PLB1: variants seen among roughly 807,000 people sequenced by gnomAD.
PLB1 encodes phospholipase B1, membrane-associated.
PLB1 carries 242 observed loss-of-function variants against 227.4 expected under a neutral mutation model. The observed-to-expected ratio is 1.06, with a 90% confidence interval of 0.96 to 1.18. The LOEUF (loss-of-function observed/expected upper bound fraction) is 1.18. Ranked by LOEUF, PLB1 falls within the 50% of genes most tolerant of loss-of-function variation. The probability of loss-of-function intolerance (pLI) is 0.00; values close to 1 mark genes in which losing one functional copy is unlikely to be tolerated. For missense variants in PLB1, 1,858 were observed against 1,816.3 expected, an observed-to-expected ratio of 1.02 and a Z score of -0.42; for synonymous variants, 757 against 682.2, an observed-to-expected ratio of 1.11 and a Z score of -1.71.
intron 1 of PLB1, among the ~76,000 whole-genome samples, chr2:28,515,760 A>G (rs1020594416): frequency 2.6e-5 from 4 of 152,172 alleles, no homozygotes; most frequent in Non-Finnish European, 5.9e-5. Flanking sequence ...TGCGCTTATA[A>G]GGAAGATGTA....
At chr2:28,536,793 C>T (rs1671743811) in intron 9 of PLB1, among the ~76,000 whole-genome samples, 1 of 152,148 alleles carries the variant, frequency 6.6e-6, no homozygotes, top group Non-Finnish European at 1.5e-5. Flanking sequence ...ATGTCTTTTA[C>T]TGAGAAATGG....
At chr2:28,637,342 T>C (rs1212029241) in intron 56 of PLB1, among the ~76,000 whole-genome samples, 7 of 150,664 alleles carry the variant, frequency 4.6e-5, no homozygotes, top group Admixed American at 4.6e-4. Flanking sequence ...ACAATATCAG[T>C]GCCTGACCGG....
Position 28,589,782 on chromosome 2 carries a change from C to T in PLB1, c.2016+12C>T, listed in dbSNP as rs757701083. ...TCTGGAACAATATGGTAAGTGGCTG[C>T]GGTAGGAAAATGCATCCTCCCTCTG... is the stretch of plus-strand genomic sequence containing the variant. On this transcript the variant is annotated intron_variant, in intron 28 of 57. Transcript: ENST00000327757. The T allele has an allele frequency of 3.2e-5, 52 of 1,609,094 alleles. No homozygotes were observed. The highest frequency in any genetic ancestry group is 1.0e-4 in the Admixed American group (6 of 59,994).
intron 44 of PLB1, among the ~76,000 whole-genome samples, chr2:28,616,886 A>G (rs763078842): frequency 6.6e-6 from 1 of 152,226 alleles, no homozygotes; most frequent in African/African-American, 2.4e-5. Flanking sequence ...CTGACTGAAC[A>G]GATGAGATGA....
At chr2:28,550,174 T>G (rs1192427554) in intron 16 of PLB1, 90 bp downstream of exon 16, 4 of 1,033,602 alleles carry the variant, frequency 3.9e-6, no homozygotes, top group African/African-American at 3.3e-5. Flanking sequence ...CACGTGGTTT[T>G]TTTTTTTTTT....
At chr2:28,585,134 G>A (rs766609808) in intron 25 of PLB1, among the ~76,000 whole-genome samples, 2 of 152,126 alleles carry the variant, frequency 1.3e-5, no homozygotes, top group Non-Finnish European at 2.9e-5. Flanking sequence ...AATTATTATT[G>A]TTGTCACTGC....
At chr2:28,551,532 CAG>C (rs1250925210) in intron 16 of PLB1, among the ~76,000 whole-genome samples, 1 of 152,182 alleles carries the variant, frequency 6.6e-6, no homozygotes, top group East Asian at 1.9e-4. Context: ...CTGACAGACA[CAG>C]TGTGAAAGAC....
intron 39 of PLB1, among the ~76,000 whole-genome samples, chr2:28,603,715 C>T (rs1261649673): frequency 6.6e-6 from 1 of 152,200 alleles, no homozygotes; most frequent in Non-Finnish European, 1.5e-5. Context: ...ACCTGCAGTC[C>T]AACACTTGTG....
chr2:28,537,422 T>C (rs915712311), intron 9 of PLB1, among the ~76,000 whole-genome samples: 52 of 152,258 alleles, frequency 3.4e-4, no homozygotes, highest in African/African-American at 1.2e-3. Flanking sequence ...CATGAGCCAC[T>C]GCACCCAGCC....
Position 28,582,471 on chromosome 2 carries a change from G to T in PLB1, c.1699G>T (p.Glu567Ter), listed in dbSNP as rs537420333. 1.2e-6 allele frequency: 2 copies of T among 1,612,296 alleles called. No homozygotes were observed. The highest frequency in any genetic ancestry group is 3.3e-5 in the Admixed American group (2 of 59,862). Reference protein sequence around the residue: ...EIVNLRELYQEKKVYCPRMIL... With the variant: ...EIVNLRELYQ ...CGTCAACCTGAGGGAGCTGTACCAG[G>T]AGAAAAAAGTCTACTGCCCAAGGAT... The change falls in exon 25 of 58, where the codon GAG (glutamate) becomes TAG (stop). Residue 567 changes from glutamate (E) to a stop codon, truncating the protein, a stop_gained. Coordinates refer to ENST00000327757, the MANE Select transcript of PLB1 (RefSeq NM_153021.5). LOFTEE classifies it high-confidence loss of function.
intron 9 of PLB1, among the ~76,000 whole-genome samples, chr2:28,533,526 G>T (rs1671293078): frequency 6.6e-6 from 1 of 152,210 alleles, no homozygotes; most frequent in African/African-American, 2.4e-5. Context: ...ATTAACTCAT[G>T]CATTTATGCA....
rs547213722 is a variant in PLB1, at chr2:28,613,825, C to T, written c.3130-206C>T. 5.9e-5 allele frequency among the ~76,000 whole-genome samples: 9 copies of T among 152,308 alleles called. No individual in the cohort carries two copies. The South Asian group carries it at 1.2e-3, about 21-fold the overall frequency. On this transcript the variant is annotated intron_variant, in intron 43 of 57. Transcript: ENST00000327757. ...TACAATGGGTATGAAACCCTCTGCA[C>T]GCCTTTTGTTGTCCATCCCTTGCCA...
intron 14 of PLB1, among the ~76,000 whole-genome samples, chr2:28,544,602 C>A (rs1234441412): frequency 5.3e-5 from 8 of 152,170 alleles, no homozygotes; most frequent in Non-Finnish European, 8.8e-5. Flanking sequence ...GGCCAGACAG[C>A]CCAGAGGAAC....
chr2:28,553,915 C>T (rs773779217), intron 17 of PLB1, among the ~76,000 whole-genome samples: 1 of 152,166 alleles, frequency 6.6e-6, no homozygotes, highest in Non-Finnish European at 1.5e-5. Context: ...GTCAGATTGT[C>T]TCCTTGTGCT....
chr2:28,586,809 A>G (rs1478688236), intron 26 of PLB1, among the ~76,000 whole-genome samples: 3 of 152,150 alleles, frequency 2.0e-5, no homozygotes, highest in Admixed American at 2.0e-4. Flanking sequence ...GTGCAGTGGC[A>G]CAATCTTGGC....
chr2:28,539,820 G>A lies in PLB1; in HGVS notation c.699-546G>A, dbSNP rs146904318. ...GTGTCTGGTGTGAAGAACAGTGAGC[G>A]GGGAGGAGGAGGACTGAGAGATGAA... is the stretch of plus-strand genomic sequence containing the variant. On this transcript the variant is annotated intron_variant, in intron 11 of 57. Coordinates refer to ENST00000327757, the MANE Select transcript of PLB1 (RefSeq NM_153021.5). Among the ~76,000 whole-genome samples, 404 of 151,984 alleles carry A rather than the reference G, an allele frequency of 2.7e-3. 1 individual carries two copies. The highest frequency in any genetic ancestry group is 0.01 in the Middle Eastern group (3 of 294).
intron 40 of PLB1, 99 bp from the exon 41 acceptor site, chr2:28,604,556 C>A: frequency 1.2e-6 from 1 of 832,316 alleles, no homozygotes; most frequent in Non-Finnish European, 1.9e-6. Flanking sequence ...TCGGCCCCTC[C>A]ATCCAGGGAG....
At chr2:28,640,841 A>G (rs553608801) in intron 56 of PLB1, 86 bp from the exon 57 acceptor site, 1 of 1,357,884 alleles carries the variant, frequency 7.4e-7, no homozygotes, top group African/African-American at 1.5e-5. Context: ...TTCCCGAGGG[A>G]GGGGCTCTGG....
intron 1 of PLB1, among the ~76,000 whole-genome samples, chr2:28,501,001 A>T (rs1558622745): frequency 6.6e-6 from 1 of 152,188 alleles, no homozygotes. Context: ...CAAGGCTTCC[A>T]TTGGTAGGGG....
Sources: gnomAD v4.1 joint callset for allele counts (sites outside exome capture counted in the v4.1 genomes callset) on GRCh38, gnomAD v4.1.1 for gene constraint, MANE v1.5 for transcripts, NCBI Gene and HGNC (gene_info 2026-07-23, HGNC 2026-07-21) for gene names.